Variants in TCF12 observed in about 807,000 individuals in gnomAD.
TCF12 encodes the protein transcription factor 12.
TCF12 carries 45 observed loss-of-function variants against 86.0 expected under a neutral mutation model. The ratio of observed to expected loss-of-function variants is 0.52; its 90% CI spans 0.41 to 0.67. The LOEUF is 0.67. TCF12 is among the 30% of genes least tolerant of loss of function. The pLI, the probability that TCF12 is intolerant of heterozygous loss-of-function variation, is 0.00. For missense variants in TCF12, 881 were observed against 859.9 expected (o/e 1.02, Z -0.31); for synonymous variants, 330 against 299.6 (o/e 1.10, Z -1.05).
chr15:57,024,128 ATAACTGT>A (rs2065668509), intron 3 of TCF12, among the ~76,000 whole-genome samples: 1 of 152,032 alleles, frequency 6.6e-6, no homozygotes, highest in Non-Finnish European at 1.5e-5. Flanking sequence ...AGCAAGACAA[ATAACTGT>A]GAACAATGTG....
chr15:57,169,396 G>A (rs1436337568), intron 6 of TCF12, among the ~76,000 whole-genome samples: 1 of 152,118 alleles, frequency 6.6e-6, no homozygotes, highest in African/African-American at 2.4e-5. Context: ...TGTCAGTTGA[G>A]GGGGGTAAGA....
chr15:57,215,687 T>C (rs951701268), intron 8 of TCF12, among the ~76,000 whole-genome samples: 7 of 152,172 alleles, frequency 4.6e-5, no homozygotes, highest in Admixed American at 2.0e-4. Context: ...TGTTAACTAA[T>C]TCAAGATACA....
intron 5 of TCF12, among the ~76,000 whole-genome samples, chr15:57,127,403 A>G (rs2051746840): frequency 6.6e-6 from 1 of 152,176 alleles, no homozygotes. Flanking sequence ...TATTTTCATC[A>G]TTAATAGTTT....
chr15:57,078,568 T>A (rs2070343775), intron 4 of TCF12, among the ~76,000 whole-genome samples: 1 of 152,236 alleles, frequency 6.6e-6, no homozygotes. Context: ...CCTAATGTAT[T>A]ATAGGCAGTA....
In TCF12 at chr15:57,203,064, A is replaced by C. The variant is rs975880976; in HGVS notation, c.579+5239A>C. Among the ~76,000 whole-genome samples the C allele has an allele frequency of 2.6e-5, 4 of 152,352 alleles. 1 individual carries two copies. The South Asian group carries it at 6.2e-4, about 24-fold the overall frequency. On this transcript the variant is annotated intron_variant, in intron 8 of 20. Coordinates refer to ENST00000333725, the MANE Select transcript of TCF12 (RefSeq NM_207037.2). ...AATAAAAAGTTTTCACGTTACCTCC[A>C]CCTGTGTATATAATGTATGTGCCTG... is the stretch of plus-strand genomic sequence containing the variant.
At position 56,933,383 on chromosome 15, in the gene TCF12, A is replaced by G. The variant is rs4774901; in HGVS notation, c.148+12285A>G. On this transcript the variant is annotated intron_variant, in intron 3 of 20. Transcript: ENST00000333725. ...TTGGGCTGTTGTTTTGTTAAAGAGC[A>G]TCTGTAGGTATTTGAGCGAGTACCT... 7.9e-3 allele frequency among the ~76,000 whole-genome samples: 1,210 copies of G among 152,306 alleles called. 12 individuals carry two copies. Among genetic ancestry groups the G allele is most frequent in the Admixed American group, 0.023 (348 of 15,304 alleles).
intron 5 of TCF12, among the ~76,000 whole-genome samples, chr15:57,144,032 A>G (rs1383415151): frequency 6.6e-6 from 1 of 152,214 alleles, no homozygotes; most frequent in Admixed American, 6.5e-5. Context: ...AATAATTCTT[A>G]TGCCAAAGTG....
rs1049518987 is a variant in TCF12 at position 57,182,042 on chromosome 15, T to C, written c.391-10116T>C. Among the ~76,000 whole-genome samples the C allele has an allele frequency of 4.1e-4, 63 of 152,202 alleles. 1 individual carries two copies. Among genetic ancestry groups the C allele is most frequent in the Admixed American group, 4.0e-3 (61 of 15,278 alleles). On this transcript the variant is annotated intron_variant, in intron 6 of 20. Coordinates refer to ENST00000333725, the MANE Select transcript of TCF12 (RefSeq NM_207037.2). ...TTCATACTATGTAATTTCAGAATACTAATTCTTTCTTGAATAAGATAGCTC... is the reference window on the plus strand; with the variant it reads ...TTCATACTATGTAATTTCAGAATACCAATTCTTTCTTGAATAAGATAGCTC...
rs116400665 is a variant in TCF12, at chr15:57,161,445, G to C, written c.326-4957G>C. Among the ~76,000 whole-genome samples the C allele has an allele frequency of 2.3e-3, 343 of 152,238 alleles. 3 individuals carry two copies. Among genetic ancestry groups the C allele is most frequent in the African/African-American group, 7.8e-3 (323 of 41,542 alleles). On this transcript the variant is annotated intron_variant, in intron 5 of 20. Transcript: ENST00000333725. ...CATTTCTTGAGCAATTTTTAGTTTA[G>C]GTCAGAAAATGCTGAATGTAGTTAA...
chr15:56,954,856 A>G (rs1311793661), intron 3 of TCF12, among the ~76,000 whole-genome samples: 1 of 152,240 alleles, frequency 6.6e-6, no homozygotes, highest in African/African-American at 2.4e-5. Flanking sequence ...CTGAGATACC[A>G]TCTCACGCCA....
intron 8 of TCF12, among the ~76,000 whole-genome samples, chr15:57,208,348 A>G (rs1382157354): frequency 6.7e-6 from 1 of 149,232 alleles, no homozygotes; most frequent in African/African-American, 2.5e-5. Context: ...CTTATAGTCA[A>G]AAGATAACCT....
chr15:57,222,181 A>C (rs376473876), intron 8 of TCF12, among the ~76,000 whole-genome samples: 1 of 151,286 alleles, frequency 6.6e-6, no homozygotes, highest in Non-Finnish European at 1.5e-5. Context: ...GACAAACCCT[A>C]AGTGGTCCTG....
intron 3 of TCF12, among the ~76,000 whole-genome samples, chr15:57,047,978 T>C (rs2141532214): frequency 7.1e-6 from 1 of 141,104 alleles, no homozygotes; most frequent in South Asian, 2.3e-4. Flanking sequence ...TGATGAGTAT[T>C]TGTGTATCTA....
intron 5 of TCF12, among the ~76,000 whole-genome samples, chr15:57,123,017 C>G (rs1596648643): frequency 6.6e-6 from 1 of 152,158 alleles, no homozygotes; most frequent in Non-Finnish European, 1.5e-5. Flanking sequence ...GAAAATCAAA[C>G]ATTTAAACTA....
intron 3 of TCF12, among the ~76,000 whole-genome samples, chr15:56,965,857 A>T (rs922324906): frequency 4.0e-4 from 61 of 152,218 alleles, no homozygotes; most frequent in Admixed American, 1.6e-3. Flanking sequence ...ACAATTAGTC[A>T]CTGGCTCTGA....
intron 5 of TCF12, among the ~76,000 whole-genome samples, chr15:57,127,845 C>T (rs1222969628): frequency 6.6e-6 from 1 of 151,994 alleles, no homozygotes; most frequent in African/African-American, 2.4e-5. Context: ...AATTCTCGGG[C>T]GAGCCATCTA....
At chr15:56,933,913 A>G (rs376235164) in intron 3 of TCF12, among the ~76,000 whole-genome samples, 4 of 151,916 alleles carry the variant, frequency 2.6e-5, no homozygotes, top group South Asian at 2.1e-4. Flanking sequence ...ACATATAAAT[A>G]TATATTTCAT....
At chr15:57,012,830 A>G (rs1305564226) in intron 3 of TCF12, among the ~76,000 whole-genome samples, 1 of 152,182 alleles carries the variant, frequency 6.6e-6, no homozygotes, top group Non-Finnish European at 1.5e-5. Flanking sequence ...CTACAGGAAT[A>G]TTCCATTGAA....
chr15:57,075,960 T>A (rs1326260560), intron 4 of TCF12, among the ~76,000 whole-genome samples: 1 of 150,412 alleles, frequency 6.6e-6, no homozygotes, highest in East Asian at 2.0e-4. Flanking sequence ...AACCCCTGGG[T>A]TCAGGTGATC....
Sources: allele counts gnomAD v4.1 joint callset (sites outside exome capture counted in the v4.1 genomes callset), GRCh38; gene constraint gnomAD v4.1.1; transcripts MANE v1.5; gene names NCBI Gene and HGNC (gene_info 2026-07-23, HGNC 2026-07-21).